The following ETV1 variants were observed in gnomAD, a reference collection of about 807,000 sequenced individuals.
ETV1 encodes the protein ETS variant transcription factor 1, also known as ETS translocation variant 1.
A neutral mutation model predicts 62.3 loss-of-function variants in ETV1; 27 were observed. The ratio of observed to expected loss-of-function variants is 0.43; its 90% CI spans 0.32 to 0.60. ETV1 has a LOEUF of 0.60. Ranked by LOEUF, ETV1 falls within the 20% of genes least tolerant of loss-of-function variation. The pLI is 0.06. For synonymous variants in ETV1, 222 were observed against 199.6 expected (o/e 1.11, Z -0.94); for missense variants, 605 against 605.8 (o/e 1.00, Z 0.01).
At chr7:13,908,719 G>A (rs954192870) in intron 11 of ETV1, among the ~76,000 whole-genome samples, 1 of 152,008 alleles carries the variant, frequency 6.6e-6, no homozygotes, top group Admixed American at 6.6e-5. Context: ...TAGTCTCCAA[G>A]CAACTAATTA....
chr7:13,954,350 C>A (rs930352438), intron 6 of ETV1, among the ~76,000 whole-genome samples: 18 of 152,100 alleles, frequency 1.2e-4, no homozygotes, highest in African/African-American at 4.1e-4. Flanking sequence ...CTAAACAATT[C>A]TTCAAATAAG....
At chr7:13,967,363 C>T (rs1780408175) in intron 6 of ETV1, among the ~76,000 whole-genome samples, 1 of 152,056 alleles carries the variant, frequency 6.6e-6, no homozygotes, top group Admixed American at 6.6e-5. Flanking sequence ...AACTTCTTTG[C>T]TAAACTCTAG....
chr7:13,958,775 G>C (rs1789800311), intron 6 of ETV1: 1 of 152,176 alleles, frequency 6.6e-6, no homozygotes, highest in Admixed American at 6.5e-5. Context: ...AAAAGAAAGA[G>C]ATAATAGTTT....
intron 9 of ETV1, among the ~76,000 whole-genome samples, chr7:13,918,388 G>C (rs571538187): frequency 1.3e-5 from 2 of 152,236 alleles, no homozygotes; most frequent in South Asian, 4.1e-4. Flanking sequence ...TCCAGCACCT[G>C]TTGTTTCCTA....
intron 11 of ETV1, among the ~76,000 whole-genome samples, chr7:13,907,186 G>T (rs1430978572): frequency 6.6e-6 from 1 of 152,062 alleles, no homozygotes; most frequent in Non-Finnish European, 1.5e-5. Flanking sequence ...AAAATCTTGT[G>T]GGTAATTCAG....
intron 9 of ETV1, among the ~76,000 whole-genome samples, chr7:13,914,557 G>A (rs1158452642): frequency 6.8e-6 from 1 of 147,784 alleles, no homozygotes; most frequent in Non-Finnish European, 1.5e-5. Context: ...AATTTGATTA[G>A]TTTTCACGTT....
At chr7:13,956,970 G>A (rs1379507951) in intron 6 of ETV1, among the ~76,000 whole-genome samples, 2 of 152,194 alleles carry the variant, frequency 1.3e-5, no homozygotes, top group Non-Finnish European at 2.9e-5. Flanking sequence ...ATTATTAAAT[G>A]AGGAGGTATA....
chr7:13,911,662 A>T (rs1007991085), intron 9 of ETV1, among the ~76,000 whole-genome samples: 1 of 152,240 alleles, frequency 6.6e-6, no homozygotes, highest in Non-Finnish European at 1.5e-5. Flanking sequence ...AAATTTGTAT[A>T]ATCCCATAGC....
chr7:13,961,974 G>A (rs183565807), intron 6 of ETV1, among the ~76,000 whole-genome samples: 2 of 152,158 alleles, frequency 1.3e-5, no homozygotes, highest in African/African-American at 4.8e-5. Flanking sequence ...GTTGGTAGGT[G>A]TAGACATTAT....
At chr7:13,953,082 C>T (rs1289796233) in intron 6 of ETV1, among the ~76,000 whole-genome samples, 1 of 152,158 alleles carries the variant, frequency 6.6e-6, no homozygotes, top group African/African-American at 2.4e-5. Flanking sequence ...TCGTCCTACC[C>T]CTACTGGTCC....
chr7:13,929,205 G>A (rs111274564), intron 9 of ETV1, among the ~76,000 whole-genome samples: 3 of 152,134 alleles, frequency 2.0e-5, no homozygotes, highest in African/African-American at 7.2e-5. Context: ...GTATTGCAGG[G>A]TTCTTAATTA....
chr7:13,979,855 G>A (rs536535540), intron 5 of ETV1, among the ~76,000 whole-genome samples: 3 of 152,160 alleles, frequency 2.0e-5, no homozygotes, highest in East Asian at 1.9e-4. Flanking sequence ...TTGTAGCATC[G>A]TAAGCAGATT....
chr7:13,983,621 C>CTTTTT (rs34955846), intron 5 of ETV1, among the ~76,000 whole-genome samples: 1 of 144,828 alleles, frequency 6.9e-6, no homozygotes, highest in Non-Finnish European at 1.5e-5. Flanking sequence ...TATTCCCTGA[C>CTTTTT]TTTTTTTTTT....
intron 7 of ETV1, 123 bp downstream of exon 7, chr7:13,938,994 C>A: frequency 3.4e-6 from 3 of 893,572 alleles, no homozygotes; most frequent in Non-Finnish European, 5.2e-6. Context: ...AATGCATTAC[C>A]TAATTAGCTT....
At chr7:13,943,408 C>T (rs992454550) in intron 6 of ETV1, among the ~76,000 whole-genome samples, 1 of 152,092 alleles carries the variant, frequency 6.6e-6, no homozygotes, top group African/African-American at 2.4e-5. Context: ...AACTTTTATA[C>T]AAGCTGCTGA....
chr7:13,927,557 A>G (rs1169263713), intron 9 of ETV1, among the ~76,000 whole-genome samples: 1 of 152,196 alleles, frequency 6.6e-6, no homozygotes, highest in Non-Finnish European at 1.5e-5. Context: ...ATAGGTGAAA[A>G]AAGAAATCAC....
intron 6 of ETV1, among the ~76,000 whole-genome samples, chr7:13,974,582 T>C (rs986908362): frequency 6.6e-6 from 1 of 152,158 alleles, no homozygotes; most frequent in Non-Finnish European, 1.5e-5. Flanking sequence ...AATGTAGGTG[T>C]GTGAACTAAA....
Position 13,895,333 on chromosome 7 carries a change from G to T in ETV1, c.*533C>A, listed in dbSNP as rs1781667364. 3.0e-5 allele frequency: 7 copies of T among 234,032 alleles called. No individual in the cohort carries two copies. In the Admixed American group the frequency reaches 3.9e-4, roughly 13 times the overall value. 14.5% of individuals were successfully genotyped at this position (234,032 alleles called of 1,614,324 possible). The stretch of plus-strand genomic sequence containing the variant: ...GCAATCGCTAAATACCTTTTTACAA[G>T]TGGTGCAAAAACAGTCATTTCTAAC... On this transcript the variant is annotated 3_prime_UTR_variant, in exon 14 of 14. Coordinates refer to ENST00000430479, the MANE Select transcript of ETV1 (RefSeq NM_004956.5).
intron 8 of ETV1, among the ~76,000 whole-genome samples, chr7:13,932,301 T>A (rs560212507): frequency 6.6e-6 from 1 of 152,148 alleles, no homozygotes; most frequent in Non-Finnish European, 1.5e-5. Flanking sequence ...TCCTCAACAA[T>A]GTCCTAATTA....
Sources: gnomAD v4.1 joint callset for allele counts (sites outside exome capture counted in the v4.1 genomes callset) on GRCh38, gnomAD v4.1.1 for gene constraint, MANE v1.5 for transcripts, NCBI Gene and HGNC (gene_info 2026-07-23, HGNC 2026-07-21) for gene names.